ANKFN1: variants seen among roughly 807,000 people sequenced by gnomAD.
ANKFN1 encodes the protein ankyrin repeat and fibronectin type III domain containing 1, also known as ankyrin repeat and fibronectin type-III domain-containing protein 1.
ANKFN1 carries 74 observed loss-of-function variants against 108.7 expected under a neutral mutation model. That is an observed-to-expected ratio of 0.68 (90% CI 0.56 to 0.83). The LOEUF is 0.83. Ranked by LOEUF, ANKFN1 falls within the 40% of genes least tolerant of loss-of-function variation. ANKFN1 has a pLI of 0.00. For missense variants in ANKFN1, 1,505 were observed against 1,382.3 expected (o/e 1.09, Z -1.41); for synonymous variants, 547 against 516.2 (o/e 1.06, Z -0.81).
intron 2 of ANKFN1, among the ~76,000 whole-genome samples, chr17:56,218,183 TTCTCTC>T (rs72257132): frequency 9.6e-5 from 14 of 146,072 alleles, no homozygotes; most frequent in African/African-American, 3.3e-4. Flanking sequence ...CCTTAGCCCC[TTCTCTC>T]TCTCTCTCTC....
intron 3 of ANKFN1, among the ~76,000 whole-genome samples, chr17:56,280,675 G>A (rs1420234052): frequency 2.0e-5 from 3 of 152,004 alleles, no homozygotes; most frequent in African/African-American, 7.3e-5. Context: ...TTTCTGTGGA[G>A]AACCCTGGCT....
chr17:56,145,373 G>A lies in ANKFN1; in HGVS notation c.289-82544G>A, dbSNP rs1598138331. On this transcript the variant is annotated intron_variant, in intron 4 of 12. Coordinates refer to the ANKFN1 transcript ENST00000635860. ...TGCCATAAAGAACTGCCCAAGATTGGGTAGTTTATAAAGGAAAGAGGGTTA... is the reference window on the plus strand; with the variant it reads ...TGCCATAAAGAACTGCCCAAGATTGAGTAGTTTATAAAGGAAAGAGGGTTA... Among the ~76,000 whole-genome samples, 3 of 152,264 alleles carry A rather than the reference G, an allele frequency of 2.0e-5. No homozygotes were observed. In the South Asian group the frequency reaches 6.2e-4, roughly 32 times the overall value.
rs897329518 is a variant in ANKFN1, at chr17:56,254,308, A to G, written c.53+26351A>G. ...TTTTTACCAATTTTAAAGTTATAAC[A>G]ATGAGATAGTGCTACATGGCCAACG... On this transcript the variant is annotated intron_variant, in intron 3 of 20. Coordinates refer to ENST00000682825, the MANE Select transcript of ANKFN1 (RefSeq NM_001370326.1). 1.9e-4 allele frequency: 29 copies of G among 152,250 alleles called. 2 individuals carry two copies. Among genetic ancestry groups the G allele is most frequent in the Non-Finnish European group, 7.3e-5 (5 of 68,054 alleles). The allele number at this position is 152,250 out of a possible 1,614,324, so 9.4% of individuals were successfully genotyped here. A position where few individuals can be genotyped will look rare whatever the true frequency, so the allele number is the denominator to read the frequency against.
intron 8 of ANKFN1, among the ~76,000 whole-genome samples, chr17:56,401,611 A>G (rs2047768025): frequency 6.6e-6 from 1 of 151,984 alleles, no homozygotes; most frequent in Non-Finnish European, 1.5e-5. Context: ...TTCAAGGTAA[A>G]CAATCGTATT....
intron 19 of ANKFN1, among the ~76,000 whole-genome samples, chr17:56,497,288 T>C (rs990775317): frequency 2.6e-5 from 4 of 152,162 alleles, no homozygotes; most frequent in African/African-American, 9.7e-5. Context: ...TGGGCCTGCC[T>C]ACTGCTGAAC....
chr17:56,420,715 C>CTT (rs560168948), intron 8 of ANKFN1, among the ~76,000 whole-genome samples: 5,593 of 84,096 alleles, frequency 0.067, 147 homozygotes, highest in Non-Finnish European at 0.11. Context: ...TTGTTGTTTT[C>CTT]TTTTTTTTTT....
At chr17:56,337,330 C>T (rs987404002) in intron 4 of ANKFN1, among the ~76,000 whole-genome samples, 3 of 152,070 alleles carry the variant, frequency 2.0e-5, no homozygotes, top group Non-Finnish European at 4.4e-5. Context: ...ATTAAAGTCT[C>T]CCATCATTAT....
chr17:56,073,224 C>T (rs1905142203), intron 4 of ANKFN1, among the ~76,000 whole-genome samples: 1 of 152,098 alleles, frequency 6.6e-6, no homozygotes, highest in Non-Finnish European at 1.5e-5. Context: ...GATCTCCTGA[C>T]CTCGTGATCC....
At chr17:56,430,286 C>A (rs1395944210) in intron 8 of ANKFN1, among the ~76,000 whole-genome samples, 1 of 152,010 alleles carries the variant, frequency 6.6e-6, no homozygotes, top group Non-Finnish European at 1.5e-5. Flanking sequence ...TAGTGCATGA[C>A]TTCTCCTATA....
chr17:56,100,743 T>C lies in ANKFN1; in HGVS notation c.288+54418T>C, dbSNP rs373517574. 1.1e-4 allele frequency among the ~76,000 whole-genome samples: 17 copies of C among 152,302 alleles called. No individual in the cohort carries two copies. The East Asian group carries it at 3.3e-3, about 29-fold the overall frequency. On this transcript the variant is annotated intron_variant, in intron 4 of 12. Transcript: ENST00000635860. ...CCAGCTGAAGCCTTAGACCTGAGCA[T>C]CCTCAGGGGCATCTTAAAGAAAAAG...
chr17:56,226,246 A>C (rs1916260303), intron 2 of ANKFN1, among the ~76,000 whole-genome samples: 1 of 152,190 alleles, frequency 6.6e-6, no homozygotes, highest in African/African-American at 2.4e-5. Flanking sequence ...AACTTCTTCC[A>C]GTTAGTGACA....
intron 3 of ANKFN1, among the ~76,000 whole-genome samples, chr17:56,246,632 C>T (rs1248419524): frequency 1.3e-5 from 2 of 151,548 alleles, no homozygotes; most frequent in Non-Finnish European, 2.9e-5. Flanking sequence ...TTTTATTAAT[C>T]AAAACTGGAA....
Position 56,515,569 on chromosome 17 carries a change from C to T in ANKFN1, c.*4300C>T, listed in dbSNP as rs920803356. Among the ~76,000 whole-genome samples the T allele has an allele frequency of 1.3e-5, 2 of 152,216 alleles. No homozygotes were observed. Among genetic ancestry groups the T allele is most frequent in the African/African-American group, 2.4e-5 (1 of 41,452 alleles). Reference sequence around the variant, plus strand: ...CATGGCTTATGACTGTTAAGCTAAACTTCAATGCGGCCTTACAAACAACAA... The same window carrying T: ...CATGGCTTATGACTGTTAAGCTAAATTTCAATGCGGCCTTACAAACAACAA... On this transcript the variant is annotated 3_prime_UTR_variant, in exon 21 of 21. Coordinates refer to ENST00000682825, the MANE Select transcript of ANKFN1 (RefSeq NM_001370326.1).
At chr17:56,418,627 A>C (rs1349277572) in intron 8 of ANKFN1, among the ~76,000 whole-genome samples, 1 of 152,142 alleles carries the variant, frequency 6.6e-6, no homozygotes, top group Non-Finnish European at 1.5e-5. Context: ...ATAAAATTAA[A>C]GCAGAGATTA....
At chr17:56,196,074 C>T (rs1913476820) in intron 1 of ANKFN1, among the ~76,000 whole-genome samples, 1 of 152,056 alleles carries the variant, frequency 6.6e-6, no homozygotes, top group African/African-American at 2.4e-5. Context: ...TGAGACCAGC[C>T]TGGACAACAT....
At chr17:56,309,388 T>C (rs961279192) in intron 3 of ANKFN1, among the ~76,000 whole-genome samples, 2 of 152,212 alleles carry the variant, frequency 1.3e-5, no homozygotes, top group East Asian at 1.9e-4. Context: ...GTACAGTTGG[T>C]AATGACATCT....
At chr17:56,048,076 A>G (rs1904711074) in intron 4 of ANKFN1, among the ~76,000 whole-genome samples, 2 of 151,994 alleles carry the variant, frequency 1.3e-5, no homozygotes, top group Non-Finnish European at 2.9e-5. Context: ...TGTGGTTTAG[A>G]TATTTGTATT....
chr17:56,425,455 A>T (rs1257952579), intron 8 of ANKFN1, among the ~76,000 whole-genome samples: 3 of 152,356 alleles, frequency 2.0e-5, no homozygotes, highest in East Asian at 1.9e-4. Flanking sequence ...TGCAAATCTG[A>T]TCACATAATG....
intron 3 of ANKFN1, among the ~76,000 whole-genome samples, chr17:56,305,374 C>T (rs77638321): frequency 0.022 from 3,321 of 152,216 alleles, 126 homozygotes; most frequent in African/African-American, 0.075. Context: ...TGCAGCTTTT[C>T]TTATGGTGTT....
Sources: allele counts gnomAD v4.1 joint callset (sites outside exome capture counted in the v4.1 genomes callset), GRCh38; gene constraint gnomAD v4.1.1; transcripts MANE v1.5; gene names NCBI Gene and HGNC (gene_info 2026-07-23, HGNC 2026-07-21).